RPH3A: variants seen among roughly 807,000 people sequenced by gnomAD.
The protein encoded by RPH3A is rabphilin 3A, also known as rabphilin-3A.
In RPH3A, 48 loss-of-function variants were observed where a neutral mutation model predicts 102.2. That is an observed-to-expected ratio of 0.47 (90% CI 0.37 to 0.60). RPH3A has a LOEUF of 0.60. RPH3A is among the 20% of genes least tolerant of loss of function. RPH3A has a pLI of 0.00. For missense variants in RPH3A, 781 were observed against 910.1 expected (o/e 0.86, Z 1.83); for synonymous variants, 310 against 324.3 (o/e 0.96, Z 0.47).
At chr12:112,743,623 C>T (rs2136056061) in intron 1 of RPH3A, among the ~76,000 whole-genome samples, 1 of 152,268 alleles carries the variant, frequency 6.6e-6, no homozygotes, top group East Asian at 1.9e-4. Context: ...AGTCTTCTTA[C>T]AGGACTGTTT....
chr12:112,881,097 C>T (rs2042901331), intron 14 of RPH3A, among the ~76,000 whole-genome samples: 1 of 152,120 alleles, frequency 6.6e-6, no homozygotes, highest in African/African-American at 2.4e-5. Context: ...AAGTGCTGTG[C>T]AGAGGGATGA....
At chr12:112,892,030 G>C (rs147921481) in intron 19 of RPH3A, among the ~76,000 whole-genome samples, 95 of 152,328 alleles carry the variant, frequency 6.2e-4, no homozygotes, top group African/African-American at 2.2e-3. Context: ...GTGGGCTTAA[G>C]GCTCAAATGA....
chr12:112,645,677 A>T (rs924302085), intron 1 of RPH3A, among the ~76,000 whole-genome samples: 1 of 152,120 alleles, frequency 6.6e-6, no homozygotes, highest in Non-Finnish European at 1.5e-5. Flanking sequence ...GGTAAATCAC[A>T]TCTGCTTTGG....
chr12:112,578,964 TA>T (rs929598235), intron 1 of RPH3A, among the ~76,000 whole-genome samples: 4 of 152,224 alleles, frequency 2.6e-5, no homozygotes, highest in African/African-American at 7.2e-5. Flanking sequence ...TTAAAAAATG[TA>T]AAAAAAATTT....
intron 2 of RPH3A, among the ~76,000 whole-genome samples, chr12:112,806,455 T>C (rs2189475): frequency 1.3e-5 from 2 of 151,858 alleles, no homozygotes; most frequent in South Asian, 4.1e-4. Context: ...GCCAACACGG[T>C]GAAACTCTGT....
intron 5 of RPH3A, among the ~76,000 whole-genome samples, chr12:112,848,238 T>G (rs767192259): frequency 4.0e-4 from 61 of 152,094 alleles, no homozygotes; most frequent in Non-Finnish European, 7.6e-4. Flanking sequence ...GGATGTGTTC[T>G]GGAGATGAGA....
rs751028142 is a variant in RPH3A, at chr12:112,881,781, C to T, written c.1261C>T (p.Pro421Ser). The T allele has an allele frequency of 6.2e-7, 1 of 1,611,770 alleles. No homozygotes were observed. Residue 421 changes from proline (P) to serine (S), a missense_variant, in exon 15 of 22, where the codon CCC becomes TCC. By Grantham distance (74) the Pro-to-Ser change is moderately conservative. This residue lies in a region of RPH3A where 730 missense variants were observed against 810.0 expected (regional missense o/e 0.90). Coordinates refer to ENST00000389385, the MANE Select transcript of RPH3A (RefSeq NM_001143854.2). Reference protein sequence around the residue: ...CTIIKAKGLKPMDSNGLADPY... With the variant: ...CTIIKAKGLKSMDSNGLADPY... ...CCTCCTTCTCTTGCAGGGCCTGAAGCCCATGGATTCAAACGGCTTGGCTGA... is the reference window on the plus strand; with the variant it reads ...CCTCCTTCTCTTGCAGGGCCTGAAGTCCATGGATTCAAACGGCTTGGCTGA...
rs375325297 is a variant in RPH3A, at chr12:112,690,243, T to C, written c.-139-101900T>C. Among the ~76,000 whole-genome samples the C allele has an allele frequency of 1.1e-4, 16 of 152,366 alleles. No individual in the cohort carries two copies. In the East Asian group the frequency reaches 2.5e-3, roughly 24 times the overall value. On this transcript the variant is annotated intron_variant, in intron 1 of 21. Coordinates refer to the RPH3A transcript ENST00000543106. The stretch of plus-strand genomic sequence containing the variant: ...TCATTTAAAAAATTGGTTTGAAATA[T>C]ATCCTTCCAATTTTCTTTGTGCATG...
chr12:112,665,212 G>C (rs1230791121), intron 1 of RPH3A, among the ~76,000 whole-genome samples: 1 of 152,102 alleles, frequency 6.6e-6, no homozygotes, highest in Non-Finnish European at 1.5e-5. Flanking sequence ...TTGCTTTTGA[G>C]GGAGTCCAGA....
intron 1 of RPH3A, among the ~76,000 whole-genome samples, chr12:112,753,908 T>C (rs1356892984): frequency 6.6e-6 from 1 of 152,164 alleles, no homozygotes; most frequent in East Asian, 1.9e-4. Context: ...TACAATGATC[T>C]TTATACAGGA....
chr12:112,876,289 A>T (rs1310032670), intron 12 of RPH3A, among the ~76,000 whole-genome samples: 1 of 152,218 alleles, frequency 6.6e-6, no homozygotes, highest in East Asian at 1.9e-4. Flanking sequence ...TTTGTTCATT[A>T]AAAAATACTA....
At chr12:112,809,207 G>A (rs977631136) in intron 2 of RPH3A, among the ~76,000 whole-genome samples, 1 of 152,176 alleles carries the variant, frequency 6.6e-6, no homozygotes, top group Non-Finnish European at 1.5e-5. Context: ...AAATGCTCTT[G>A]TCTTGTGAAA....
chr12:112,725,219 A>G (rs565177790), intron 1 of RPH3A, among the ~76,000 whole-genome samples: 62 of 132,690 alleles, frequency 4.7e-4, no homozygotes, highest in Non-Finnish European at 5.3e-4. Flanking sequence ...ACTGCACTCC[A>G]GCCTAGGTGA....
At chr12:112,575,712 C>T (rs1262166245) in intron 1 of RPH3A, among the ~76,000 whole-genome samples, 1 of 147,532 alleles carries the variant, frequency 6.8e-6, no homozygotes, top group African/African-American at 2.6e-5. Context: ...CTCCTGGAGC[C>T]GGCTGGGACC....
chr12:112,673,013 C>T (rs183460215), intron 1 of RPH3A, among the ~76,000 whole-genome samples: 2 of 152,146 alleles, frequency 1.3e-5, no homozygotes, highest in Admixed American at 6.5e-5. Context: ...TGTCCTACAC[C>T]AGGTCCTTGA....
intron 2 of RPH3A, among the ~76,000 whole-genome samples, chr12:112,815,737 G>T (rs1278139203): frequency 2.0e-5 from 3 of 152,204 alleles, no homozygotes. Context: ...TAAATGACTT[G>T]TTTTAATATG....
chr12:112,707,183 AT>A (rs1565854410), intron 1 of RPH3A, among the ~76,000 whole-genome samples: 2 of 152,182 alleles, frequency 1.3e-5, no homozygotes, highest in African/African-American at 4.8e-5. Context: ...TGCTAAAAAA[AT>A]CATTTGAAAA....
At chr12:112,737,190 A>T (rs1340801319) in intron 1 of RPH3A, among the ~76,000 whole-genome samples, 1 of 151,740 alleles carries the variant, frequency 6.6e-6, no homozygotes, top group African/African-American at 2.4e-5. Context: ...AAAAACAAAC[A>T]AAAGCTACTT....
At position 112,796,710 on chromosome 12, in the gene RPH3A, A is replaced by T. The variant is rs552571810; in HGVS notation, c.-19+4447A>T. 5.3e-5 allele frequency among the ~76,000 whole-genome samples: 8 copies of T among 152,336 alleles called. No homozygotes were observed. In the South Asian group the frequency reaches 1.7e-3, roughly 32 times the overall value. Reference sequence around the variant, plus strand: ...CATTGCACATTTATTGACTACCTACAGTATGCCTGGCACCATGATGGGCAT... The same window carrying T: ...CATTGCACATTTATTGACTACCTACTGTATGCCTGGCACCATGATGGGCAT... On this transcript the variant is annotated intron_variant, in intron 2 of 21. Coordinates refer to ENST00000389385, the MANE Select transcript of RPH3A (RefSeq NM_001143854.2).
Sources: allele counts gnomAD v4.1 joint callset (sites outside exome capture counted in the v4.1 genomes callset), GRCh38; gene constraint gnomAD v4.1.1; regional missense constraint gnomAD v4.1.1; transcripts MANE v1.5; gene names NCBI Gene and HGNC (gene_info 2026-07-23, HGNC 2026-07-21).